NRXN3: variants seen among roughly 807,000 people sequenced by gnomAD.
NRXN3 encodes neurexin III.
Under a neutral mutation model 137.6 loss-of-function variants are expected in NRXN3, and 32 were observed. The ratio of observed to expected loss-of-function variants is 0.23; its 90% CI spans 0.18 to 0.31. The LOEUF (loss-of-function observed/expected upper bound fraction) is 0.31. Among genes scored for constraint, NRXN3 ranks in the 10% least tolerant of loss-of-function variants. The probability of loss-of-function intolerance (pLI) is 1.00; values close to 1 mark genes in which losing one functional copy is unlikely to be tolerated. For missense variants in NRXN3, 1,574 were observed against 2,062.5 expected, an observed-to-expected ratio of 0.76 and a Z score of 4.59; for synonymous variants, 798 against 784.5, an observed-to-expected ratio of 1.02 and a Z score of -0.29.
At chr14:78,800,009 A>G (rs1337355739) in intron 8 of NRXN3, among the ~76,000 whole-genome samples, 1 of 152,204 alleles carries the variant, frequency 6.6e-6, no homozygotes. Context: ...ATAGAACAAT[A>G]GAGATTATGC....
rs1464383490 is a variant in NRXN3 at position 78,289,894 on chromosome 14, CAGAGTG to C, written c.728-7933_728-7928del. The stretch of plus-strand genomic sequence containing the variant: ...GTGCCACTGCACTCCAGCCTGGCAA[CAGAGTG>C]AGACTCCATCTCAAAAAGAAACAAA... On this transcript the variant is annotated intron_variant, in intron 3 of 20. Coordinates refer to ENST00000335750, the MANE Select transcript of NRXN3 (RefSeq NM_001330195.2). Among the ~76,000 whole-genome samples the C allele has an allele frequency of 3.3e-5, 5 of 152,178 alleles. No individual in the cohort carries two copies. In the South Asian group the frequency reaches 8.3e-4, roughly 25 times the overall value.
At chr14:79,791,084 A>C (rs958373722) in intron 19 of NRXN3, 2 of 152,118 alleles carry the variant, frequency 1.3e-5, no homozygotes, top group African/African-American at 4.8e-5. Flanking sequence ...TAGGGATTAT[A>C]TTTCAATATG....
intron 4 of NRXN3, among the ~76,000 whole-genome samples, chr14:78,405,537 T>A (rs1261252882): frequency 6.8e-6 from 1 of 146,500 alleles, no homozygotes; most frequent in Non-Finnish European, 1.5e-5. Flanking sequence ...TGTTTGTCAC[T>A]GGCCACAGTT....
At chr14:78,456,799 CTCTTTCTT>C (rs374674586) in intron 4 of NRXN3, among the ~76,000 whole-genome samples, 1,749 of 97,682 alleles carry the variant, frequency 0.018, 14 homozygotes, top group East Asian at 0.031. Flanking sequence ...CTCTCTTTCT[CTCTTTCTT>C]TCTTTCTTTC....
At chr14:78,303,861 A>G (rs1425748084) in intron 4 of NRXN3, among the ~76,000 whole-genome samples, 1 of 152,006 alleles carries the variant, frequency 6.6e-6, no homozygotes, top group African/African-American at 2.4e-5. Flanking sequence ...ATGTATTTCA[A>G]TCCACTCCCC....
intron 19 of NRXN3, among the ~76,000 whole-genome samples, chr14:79,790,366 G>A (rs182579742): frequency 1.1e-4 from 16 of 152,136 alleles, no homozygotes; most frequent in Admixed American, 7.9e-4. Context: ...AGGGTGGCAC[G>A]ATCATGGCTC....
At position 79,463,287 on chromosome 14, in the gene NRXN3, C is replaced by G. The variant is rs150899240; in HGVS notation, c.3263-3934C>G. On this transcript the variant is annotated intron_variant, in intron 15 of 20. Transcript: ENST00000335750. Reference sequence around the variant, plus strand: ...AATTAGCTTGTTCCGTAACTTTCACCCAGGACTCCTTTATGATCGCATGGA... The same window carrying G: ...AATTAGCTTGTTCCGTAACTTTCACGCAGGACTCCTTTATGATCGCATGGA... Among the ~76,000 whole-genome samples, 83 of 152,194 alleles carry G rather than the reference C, an allele frequency of 5.5e-4. 3 individuals carry two copies. In the East Asian group the frequency reaches 0.015, roughly 28 times the overall value.
chr14:79,413,606 C>T (rs1004307276), intron 15 of NRXN3, among the ~76,000 whole-genome samples: 10 of 152,078 alleles, frequency 6.6e-5, no homozygotes, highest in African/African-American at 2.2e-4. Context: ...GTACAGACTG[C>T]TCCTCCTTCC....
intron 1 of NRXN3, among the ~76,000 whole-genome samples, chr14:78,173,628 CCCT>C (rs1566897787): frequency 2.7e-5 from 4 of 147,542 alleles, no homozygotes; most frequent in Non-Finnish European, 4.5e-5. Context: ...GGCGCACCCC[CCCT>C]TCCTCCAGCC....
intron 17 of NRXN3, among the ~76,000 whole-genome samples, chr14:79,688,706 C>T (rs571225452): frequency 1.3e-3 from 191 of 152,196 alleles, no homozygotes; most frequent in Admixed American, 4.0e-3. Context: ...AGTTGGGCTT[C>T]AATACTTTCA....
chr14:79,569,165 T>C (rs1037613937), intron 16 of NRXN3, among the ~76,000 whole-genome samples: 1 of 152,062 alleles, frequency 6.6e-6, no homozygotes, highest in Admixed American at 6.6e-5. Context: ...TTTTTTTTTC[T>C]TAAGTCTCAC....
chr14:78,997,816 A>T (rs1168708097), intron 15 of NRXN3, among the ~76,000 whole-genome samples: 2 of 152,142 alleles, frequency 1.3e-5, no homozygotes, highest in Admixed American at 1.3e-4. Context: ...TCTTCTCTTT[A>T]AGGTCATTGC....
At chr14:79,115,061 C>G (rs1362748200) in intron 15 of NRXN3, among the ~76,000 whole-genome samples, 1 of 152,106 alleles carries the variant, frequency 6.6e-6, no homozygotes, top group African/African-American at 2.4e-5. Flanking sequence ...CACGGTGGCT[C>G]ACGCCTGTAA....
At chr14:78,677,120 T>C (rs1259700485) in intron 6 of NRXN3, among the ~76,000 whole-genome samples, 1 of 152,184 alleles carries the variant, frequency 6.6e-6, no homozygotes, top group Non-Finnish European at 1.5e-5. Flanking sequence ...CAAGGAGTAA[T>C]TTAGACTTTT....
intron 1 of NRXN3, among the ~76,000 whole-genome samples, chr14:78,215,028 T>A (rs542586986): frequency 6.6e-6 from 1 of 152,338 alleles, no homozygotes; most frequent in South Asian, 2.1e-4. Context: ...AAACTTTGAA[T>A]ATTAAATGAG....
intron 19 of NRXN3, among the ~76,000 whole-genome samples, chr14:79,761,684 CAAAAAAAAAAAA>C (rs10599873): frequency 1.0e-4 from 8 of 78,908 alleles, no homozygotes; most frequent in Middle Eastern, 7.6e-3. Context: ...GACTCTGTCT[CAAAAAAAAAAAA>C]AAAAAAAAAA....
chr14:79,265,135 G>T (rs986064318), intron 15 of NRXN3, among the ~76,000 whole-genome samples: 1 of 151,100 alleles, frequency 6.6e-6, no homozygotes, highest in African/African-American at 2.4e-5. Flanking sequence ...GTTTTTCTTT[G>T]GGTCCTCCAA....
intron 15 of NRXN3, among the ~76,000 whole-genome samples, chr14:79,170,574 A>T (rs2061681286): frequency 6.6e-6 from 1 of 152,132 alleles, no homozygotes; most frequent in African/African-American, 2.4e-5. Flanking sequence ...CCATCACTGA[A>T]TAACGTGGGC....
intron 1 of NRXN3, among the ~76,000 whole-genome samples, chr14:78,175,136 T>C (rs2153330745): frequency 6.6e-6 from 1 of 152,322 alleles, no homozygotes; most frequent in Non-Finnish European, 1.5e-5. Flanking sequence ...GCTGAAGGTG[T>C]GTCTCTCTTT....
Sources: allele counts gnomAD v4.1 joint callset (sites outside exome capture counted in the v4.1 genomes callset), GRCh38; gene constraint gnomAD v4.1.1; transcripts MANE v1.5; gene names NCBI Gene and HGNC (gene_info 2026-07-23, HGNC 2026-07-21).